Variants in SLC35F4 observed in about 807,000 individuals in gnomAD.
SLC35F4 encodes chromosome 14 open reading frame 36.
A neutral mutation model predicts 44.2 loss-of-function variants in SLC35F4; 24 were observed. That is an observed-to-expected ratio of 0.54 (90% CI 0.39 to 0.76). The LOEUF (loss-of-function observed/expected upper bound fraction) is 0.76, where lower values mean the gene tolerates loss of function less well. Ranked by LOEUF, SLC35F4 falls within the 30% of genes least tolerant of loss-of-function variation. SLC35F4 has a pLI of 0.00. For missense variants in SLC35F4, 562 were observed against 586.1 expected (o/e 0.96, Z 0.42); for synonymous variants, 238 against 223.6 (o/e 1.06, Z -0.57).
chr14:57,872,041 C>T (rs1034154967), intron 1 of SLC35F4, among the ~76,000 whole-genome samples: 1 of 152,098 alleles, frequency 6.6e-6, no homozygotes, highest in Non-Finnish European at 1.5e-5. Context: ...TGGAAAGAAA[C>T]ATTATGAGTG....
At chr14:57,835,295 C>A (rs940788218) in intron 1 of SLC35F4, among the ~76,000 whole-genome samples, 1 of 152,178 alleles carries the variant, frequency 6.6e-6, no homozygotes. Context: ...CCAGTGAGTC[C>A]TTGCAGTTCA....
intron 3 of SLC35F4, among the ~76,000 whole-genome samples, chr14:57,582,318 C>T (rs1322553740): frequency 6.6e-6 from 1 of 152,130 alleles, no homozygotes; most frequent in Non-Finnish European, 1.5e-5. Flanking sequence ...ACCTCAGCCT[C>T]CTGAGTAGCT....
At chr14:57,684,734 C>T (rs2140313733) in intron 1 of SLC35F4, among the ~76,000 whole-genome samples, 1 of 152,276 alleles carries the variant, frequency 6.6e-6, no homozygotes, top group South Asian at 2.1e-4. Flanking sequence ...GAGTAAAGCA[C>T]CATATGCCAG....
intron 1 of SLC35F4, among the ~76,000 whole-genome samples, chr14:57,841,343 TAAG>T (rs959469465): frequency 6.6e-5 from 10 of 152,126 alleles, no homozygotes; most frequent in African/African-American, 2.2e-4. Flanking sequence ...CTCTAGTTCC[TAAG>T]AAGACCTAGG....
At chr14:57,809,229 G>T (rs1881694177) in intron 1 of SLC35F4, among the ~76,000 whole-genome samples, 1 of 152,110 alleles carries the variant, frequency 6.6e-6, no homozygotes, top group African/African-American at 2.4e-5. Flanking sequence ...TTTTCACAAA[G>T]TTTGCATGTA....
At position 57,799,044 on chromosome 14, in the gene SLC35F4, G is replaced by C. The variant is rs556347952; in HGVS notation, c.103+66679C>G. 1.7e-3 allele frequency among the ~76,000 whole-genome samples: 265 copies of C among 152,266 alleles called. 1 individual carries two copies. The highest frequency in any genetic ancestry group is 2.7e-3 in the Non-Finnish European group (185 of 68,024). The stretch of plus-strand genomic sequence containing the variant: ...AAGATGTCCAATTAGAAGCAGCTGC[G>C]GTCCTCAGCGCTCACAGGAATGAAA... On this transcript the variant is annotated intron_variant, in intron 1 of 7. Coordinates refer to ENST00000556826, the MANE Select transcript of SLC35F4 (RefSeq NM_001306087.2).
intron 3 of SLC35F4, among the ~76,000 whole-genome samples, chr14:57,587,132 G>A (rs1461935690): frequency 1.3e-5 from 2 of 152,208 alleles, no homozygotes; most frequent in African/African-American, 4.8e-5. Context: ...ACAGATGCAG[G>A]AGAGGATGTG....
intron 1 of SLC35F4, among the ~76,000 whole-genome samples, chr14:57,686,214 T>G (rs1174156942): frequency 6.6e-6 from 1 of 152,166 alleles, no homozygotes; most frequent in Non-Finnish European, 1.5e-5. Flanking sequence ...AAAAATCTAT[T>G]AAGAGATGAA....
intron 1 of SLC35F4, among the ~76,000 whole-genome samples, chr14:57,937,357 C>T (rs975281674): frequency 4.6e-5 from 7 of 152,056 alleles, no homozygotes; most frequent in African/African-American, 9.7e-5. Flanking sequence ...CGCGAGCCAC[C>T]GCACCTGGCC....
chr14:57,866,346 CTG>C (rs1426017690), upstream of SLC35F4, among the ~76,000 whole-genome samples: 4 of 152,142 alleles, frequency 2.6e-5, no homozygotes, highest in Admixed American at 2.6e-4. Context: ...GGCATTAACT[CTG>C]TCGCTCGGGG....
At chr14:57,802,751 C>A (rs973605674) in intron 1 of SLC35F4, among the ~76,000 whole-genome samples, 1 of 151,960 alleles carries the variant, frequency 6.6e-6, no homozygotes, top group Non-Finnish European at 1.5e-5. Flanking sequence ...GACACCCTCC[C>A]AAGACTGAAC....
chr14:57,916,398 A>G (rs1311189080), intron 1 of SLC35F4, among the ~76,000 whole-genome samples: 1 of 152,164 alleles, frequency 6.6e-6, no homozygotes, highest in Non-Finnish European at 1.5e-5. Context: ...TCTGGCTTCA[A>G]GATATTTTTC....
At chr14:57,683,210 C>T (rs112584211) in intron 1 of SLC35F4, among the ~76,000 whole-genome samples, 69 of 152,202 alleles carry the variant, frequency 4.5e-4, no homozygotes, top group African/African-American at 1.5e-3. Context: ...TTTACTATAG[C>T]GAGCAGAAAG....
chr14:57,866,115 C>G (rs1888144629), upstream of SLC35F4: 1 of 194,098 alleles, frequency 5.2e-6, no homozygotes, highest in Admixed American at 6.2e-5. Flanking sequence ...CCTCCGACGC[C>G]CACCGTGGCC....
chr14:57,715,997 A>C (rs2075930078), intron 1 of SLC35F4, among the ~76,000 whole-genome samples: 1 of 152,238 alleles, frequency 6.6e-6, no homozygotes, highest in Non-Finnish European at 1.5e-5. Flanking sequence ...TACTTTTAAA[A>C]GAGGAAGAGT....
intron 1 of SLC35F4, among the ~76,000 whole-genome samples, chr14:57,631,982 A>T (rs182893949): frequency 1.7e-4 from 26 of 152,292 alleles, no homozygotes; most frequent in African/African-American, 5.5e-4. Context: ...GGCTTTGCCT[A>T]CAAAGAACAA....
At chr14:57,777,652 G>C (rs940419649) in intron 1 of SLC35F4, among the ~76,000 whole-genome samples, 1 of 151,632 alleles carries the variant, frequency 6.6e-6, no homozygotes, top group African/African-American at 2.4e-5. Context: ...CTGGGGGAGG[G>C]ATAGCATTAG....
In SLC35F4 at chr14:57,569,879, TG is replaced by T; in HGVS notation, c.1034del (p.Pro345GlnfsTer37). On this transcript the variant is annotated frameshift_variant, in exon 6 of 8. Transcript: ENST00000556826. LOFTEE classifies it high-confidence loss of function. Reference sequence around the variant, plus strand: ...CCACCTTGGTGAAATACAAGATGACTGGGGTGAAGGAGATGAAGATCAAATT... The same window carrying T: ...CCACCTTGGTGAAATACAAGATGACTGGGTGAAGGAGATGAAGATCAAATT... ...FFNLIFISFT[P>X]VILYFTKVEH... is the part of the protein sequence containing the mutation. 6.2e-7 allele frequency: 1 copy of T among 1,612,180 alleles called. No homozygotes were observed. The highest frequency in any genetic ancestry group is 1.3e-5 in the African/African-American group (1 of 74,972).
intron 1 of SLC35F4, among the ~76,000 whole-genome samples, chr14:57,914,494 C>T (rs557657628): frequency 6.9e-4 from 105 of 151,386 alleles, no homozygotes; most frequent in African/African-American, 2.3e-3. Flanking sequence ...ACCCAGGAGA[C>T]GGAGTTTGCA....
Sources: gnomAD v4.1 joint callset for allele counts (sites outside exome capture counted in the v4.1 genomes callset) on GRCh38, gnomAD v4.1.1 for gene constraint, MANE v1.5 for transcripts, NCBI Gene and HGNC (gene_info 2026-07-23, HGNC 2026-07-21) for gene names.